The following GRM7 variants were observed in gnomAD, a reference collection of about 807,000 sequenced individuals.
The protein encoded by GRM7 is glutamate metabotropic receptor 7.
In GRM7, 35 loss-of-function variants were observed where a neutral mutation model predicts 84.5. The observed-to-expected ratio is 0.41, with a 90% CI of 0.32 to 0.55. The LOEUF (loss-of-function observed/expected upper bound fraction) is 0.55. Among genes scored for constraint, GRM7 ranks in the 20% least tolerant of loss-of-function variants. GRM7 has a pLI of 0.19. For missense variants in GRM7, 1,003 were observed against 1,194.6 expected (o/e 0.84, Z 2.36); for synonymous variants, 487 against 455.1 (o/e 1.07, Z -0.89).
chr3:7,667,907 G>C (rs1699766505), intron 8 of GRM7, among the ~76,000 whole-genome samples: 1 of 149,776 alleles, frequency 6.7e-6, no homozygotes, highest in Non-Finnish European at 1.5e-5. Context: ...TCACTGAGTT[G>C]TCATGGCAAC....
At chr3:7,705,971 C>G (rs1360600725) in intron 9 of GRM7, among the ~76,000 whole-genome samples, 1 of 152,078 alleles carries the variant, frequency 6.6e-6, no homozygotes, top group East Asian at 1.9e-4. Flanking sequence ...GTTGAGGTAT[C>G]AATGTTGGCT....
intron 8 of GRM7, among the ~76,000 whole-genome samples, chr3:7,629,484 G>A (rs1277175507): frequency 6.6e-6 from 1 of 152,070 alleles, no homozygotes; most frequent in African/African-American, 2.4e-5. Flanking sequence ...GAGCACTCTG[G>A]TATCTCCTCC....
At chr3:7,141,230 T>A (rs1568075) in intron 1 of GRM7, among the ~76,000 whole-genome samples, 1 of 151,542 alleles carries the variant, frequency 6.6e-6, no homozygotes, top group Non-Finnish European at 1.5e-5. Flanking sequence ...CTATTACAAC[T>A]AAAAAGAATT....
At chr3:7,470,643 A>G (rs1421750354) in intron 7 of GRM7, among the ~76,000 whole-genome samples, 1 of 152,200 alleles carries the variant, frequency 6.6e-6, no homozygotes, top group Non-Finnish European at 1.5e-5. Context: ...TTCATGTTTA[A>G]TAATAGACTC....
intron 4 of GRM7, among the ~76,000 whole-genome samples, chr3:7,398,556 A>T (rs1450708866): frequency 6.6e-6 from 1 of 151,996 alleles, no homozygotes; most frequent in Non-Finnish European, 1.5e-5. Flanking sequence ...CGTATGGAAA[A>T]ATTTTAAAGG....
intron 1 of GRM7, among the ~76,000 whole-genome samples, chr3:7,078,447 T>A (rs536354081): frequency 1.0e-3 from 158 of 152,244 alleles, no homozygotes; most frequent in Non-Finnish European, 1.7e-3. Context: ...ATGTATAGGG[T>A]TACTGAATTG....
intron 7 of GRM7, among the ~76,000 whole-genome samples, chr3:7,526,151 C>G (rs1214200379): frequency 6.6e-6 from 1 of 151,932 alleles, no homozygotes; most frequent in Non-Finnish European, 1.5e-5. Context: ...CTGAACTAAT[C>G]ATGCCAACAG....
intron 7 of GRM7, among the ~76,000 whole-genome samples, chr3:7,551,173 A>G (rs1196348403): frequency 6.6e-6 from 1 of 152,230 alleles, no homozygotes; most frequent in Non-Finnish European, 1.5e-5. Context: ...TGTGGAAAAT[A>G]GAGGCAAGTT....
intron 8 of GRM7, among the ~76,000 whole-genome samples, chr3:7,646,815 A>G (rs1698667744): frequency 6.6e-6 from 1 of 152,190 alleles, no homozygotes; most frequent in African/African-American, 2.4e-5. Flanking sequence ...ACCCTTTCCT[A>G]GTCTAAAGGA....
intron 4 of GRM7, among the ~76,000 whole-genome samples, chr3:7,385,498 C>T (rs2125134380): frequency 6.6e-6 from 1 of 151,892 alleles, no homozygotes; most frequent in Non-Finnish European, 1.5e-5. Context: ...GACAGGGTTT[C>T]ACCATGTTAT....
chr3:7,710,069 T>C (rs1031782627), intron 9 of GRM7, among the ~76,000 whole-genome samples: 1 of 152,272 alleles, frequency 6.6e-6, no homozygotes, highest in Non-Finnish European at 1.5e-5. Flanking sequence ...ATAAGTACTA[T>C]GCATAAGTAT....
At chr3:7,029,211 G>A (rs551798214) in intron 1 of GRM7, among the ~76,000 whole-genome samples, 60 of 151,420 alleles carry the variant, frequency 4.0e-4, no homozygotes, top group African/African-American at 1.3e-3. Context: ...GGCTCAGGCA[G>A]GAGAATCACT....
intron 9 of GRM7, among the ~76,000 whole-genome samples, chr3:7,732,910 T>A (rs1448107842): frequency 6.6e-6 from 1 of 152,208 alleles, no homozygotes; most frequent in African/African-American, 2.4e-5. Flanking sequence ...TGGTTGCCCA[T>A]TTTTATGGTT....
intron 9 of GRM7, among the ~76,000 whole-genome samples, chr3:7,708,172 C>T (rs1367879200): frequency 2.0e-5 from 3 of 151,686 alleles, no homozygotes; most frequent in African/African-American, 7.3e-5. Flanking sequence ...AGTCCCAACA[C>T]CATCTAGCTA....
chr3:7,739,189 C>T (rs1373463115), intron 9 of GRM7, among the ~76,000 whole-genome samples: 1 of 152,168 alleles, frequency 6.6e-6, no homozygotes, highest in Non-Finnish European at 1.5e-5. Context: ...GAAGACCAGG[C>T]TTGTTGTATA....
chr3:6,876,179 A>G (rs1352977711), intron 1 of GRM7, among the ~76,000 whole-genome samples: 1 of 152,050 alleles, frequency 6.6e-6, no homozygotes, highest in African/African-American at 2.4e-5. Flanking sequence ...GAGGCACAAG[A>G]ATCGCTTGAA....
At position 7,740,474 on chromosome 3, in the gene GRM7, G is replaced by A; in HGVS notation, c.*68G>A. On this transcript the variant is annotated 3_prime_UTR_variant, in exon 10 of 10. Transcript: ENST00000357716. Reference sequence around the variant, plus strand: ...TTATTTTGTCACCCAACCTGGCATAGGACTCTTTGGTCCTACCCGCTTCCC... The same window carrying A: ...TTATTTTGTCACCCAACCTGGCATAAGACTCTTTGGTCCTACCCGCTTCCC... The A allele has an allele frequency of 2.2e-6, 2 of 907,310 alleles. No homozygotes were observed. Among genetic ancestry groups the A allele is most frequent in the Admixed American group, 2.5e-5 (1 of 40,302 alleles). The allele number at this position is 907,310 out of a possible 1,614,324, so 56.2% of individuals were successfully genotyped here.
chr3:6,895,586 C>T (rs186989073), intron 1 of GRM7, among the ~76,000 whole-genome samples: 82 of 152,258 alleles, frequency 5.4e-4, no homozygotes, highest in Non-Finnish European at 7.2e-4. Context: ...AGAGATAAGT[C>T]TGAACCCTTT....
intron 1 of GRM7, among the ~76,000 whole-genome samples, chr3:7,038,053 C>T (rs965004157): frequency 6.6e-6 from 1 of 152,120 alleles, no homozygotes; most frequent in Non-Finnish European, 1.5e-5. Context: ...AAAGGGCATT[C>T]AAATGAATAA....
Sources: gnomAD v4.1 joint callset for allele counts (sites outside exome capture counted in the v4.1 genomes callset) on GRCh38, gnomAD v4.1.1 for gene constraint, MANE v1.5 for transcripts, NCBI Gene and HGNC (gene_info 2026-07-23, HGNC 2026-07-21) for gene names.